The following RORA variants were observed in gnomAD, a reference collection of about 807,000 sequenced individuals.
The protein encoded by RORA is RAR related orphan receptor A.
A neutral mutation model predicts 69.5 loss-of-function variants in RORA; 7 were observed. That is an observed-to-expected ratio of 0.10 (90% CI 0.06 to 0.19). The LOEUF (loss-of-function observed/expected upper bound fraction) is 0.19. RORA is among the 10% of genes least tolerant of loss of function. The probability of loss-of-function intolerance (pLI) is 1.00; values close to 1 mark genes in which losing one functional copy is unlikely to be tolerated. For synonymous variants in RORA, 261 were observed against 240.8 expected (o/e 1.08, Z -0.78); for missense variants, 457 against 663.0 (o/e 0.69, Z 3.41).
At chr15:60,514,511 TGAG>T (rs2065803521) in intron 4 of RORA, 102 bp downstream of exon 4, 1 of 1,109,778 alleles carries the variant, frequency 9.0e-7, no homozygotes, top group African/African-American at 1.6e-5. Context: ...GGTGGAATAA[TGAG>T]GAGGGGGCAG....
chr15:60,814,066 G>T (rs1463838884), intron 1 of RORA, among the ~76,000 whole-genome samples: 2 of 151,796 alleles, frequency 1.3e-5, no homozygotes, highest in Non-Finnish European at 2.9e-5. Context: ...ATATTATTAG[G>T]GACTAATTTA....
intron 1 of RORA, among the ~76,000 whole-genome samples, chr15:60,970,568 G>A (rs1462989738): frequency 6.6e-6 from 1 of 152,188 alleles, no homozygotes; most frequent in Non-Finnish European, 1.5e-5. Flanking sequence ...GGAATAAAGG[G>A]ACTGATTCAC....
intron 1 of RORA, among the ~76,000 whole-genome samples, chr15:60,680,038 T>C (rs188512990): frequency 6.6e-6 from 1 of 152,300 alleles, no homozygotes; most frequent in African/African-American, 2.4e-5. Context: ...ACTACAAAAG[T>C]GTTCTAGAAT....
chr15:60,559,921 T>G (rs2067482830), intron 2 of RORA, among the ~76,000 whole-genome samples: 1 of 152,240 alleles, frequency 6.6e-6, no homozygotes, highest in South Asian at 2.1e-4. Flanking sequence ...TTTTTTCCCC[T>G]TGACTGTTTT....
chr15:61,162,190 T>C (rs11631763), intron 1 of RORA, among the ~76,000 whole-genome samples: 6 of 152,004 alleles, frequency 3.9e-5, no homozygotes, highest in African/African-American at 1.4e-4. Context: ...TAACGAATGT[T>C]CTTTGCAGTG....
intron 2 of RORA, among the ~76,000 whole-genome samples, chr15:60,565,743 T>C (rs937321705): frequency 1.3e-5 from 2 of 152,220 alleles, no homozygotes; most frequent in Admixed American, 6.5e-5. Context: ...ATACCACCCC[T>C]GTTTTTTCTT....
chr15:60,793,745 A>G (rs943268976), intron 1 of RORA, among the ~76,000 whole-genome samples: 1 of 152,190 alleles, frequency 6.6e-6, no homozygotes, highest in African/African-American at 2.4e-5. Context: ...GAAACTTCAA[A>G]GAGCTTTCTG....
At chr15:60,628,354 G>A (rs1020169716) in intron 2 of RORA, among the ~76,000 whole-genome samples, 2 of 152,112 alleles carry the variant, frequency 1.3e-5, no homozygotes, top group Non-Finnish European at 2.9e-5. Context: ...TTAGACTGGG[G>A]TTTGTTTATT....
intron 1 of RORA, among the ~76,000 whole-genome samples, chr15:60,900,331 A>AACAGCACACAAGTT: frequency 6.6e-6 from 1 of 152,362 alleles, no homozygotes; most frequent in East Asian, 1.9e-4. Flanking sequence ...ACAGTAGCCC[A>AACAGCACACAAGTT]ACAGCACACA....
intron 1 of RORA, among the ~76,000 whole-genome samples, chr15:61,018,266 C>T (rs1895373995): frequency 6.6e-6 from 1 of 152,116 alleles, no homozygotes; most frequent in Non-Finnish European, 1.5e-5. Flanking sequence ...GTGGCAAGTA[C>T]CGGGGGCCTC....
intron 1 of RORA, among the ~76,000 whole-genome samples, chr15:60,915,707 TGAGGAAGCTTCGGCTTGAAGAAGTGGAA>T (rs1176431639): frequency 6.6e-6 from 1 of 152,154 alleles, no homozygotes; most frequent in Non-Finnish European, 1.5e-5. Flanking sequence ...GGCAGTGAAA[TGAGGAAGCTTCGGCTTGAAGAAGTGGAA>T]GAGGAAGCAG....
intron 3 of RORA, among the ~76,000 whole-genome samples, chr15:60,518,594 A>G (rs1045401368): frequency 1.3e-5 from 2 of 152,198 alleles, no homozygotes; most frequent in Non-Finnish European, 2.9e-5. Flanking sequence ...TCAGGCCCTT[A>G]CGCTTCTCGC....
At chr15:60,753,581 TAC>T (rs2071757813) in intron 1 of RORA, among the ~76,000 whole-genome samples, 1 of 152,228 alleles carries the variant, frequency 6.6e-6, no homozygotes, top group South Asian at 2.1e-4. Flanking sequence ...CTGTCTATTT[TAC>T]AGATGAGGAA....
chr15:60,828,846 C>T (rs1223140945), intron 1 of RORA, among the ~76,000 whole-genome samples: 2 of 152,286 alleles, frequency 1.3e-5, no homozygotes, highest in Non-Finnish European at 2.9e-5. Context: ...TCTCTCAAAC[C>T]TCTGTAAAGG....
At position 61,061,852 on chromosome 15, in the gene RORA, C is replaced by T. The variant is rs953527941; in HGVS notation, c.166+167201G>A. 6.6e-6 allele frequency among the ~76,000 whole-genome samples: 1 copy of T among 152,136 alleles called. No individual in the cohort carries two copies. Among genetic ancestry groups the T allele is most frequent in the Non-Finnish European group, 1.5e-5 (1 of 68,028 alleles). ...CCAAGGCAGGTGGATCACTTGAGGT[C>T]AGGAGTTCGAGACCAGCCTGGCCAA... On this transcript the variant is annotated intron_variant, in intron 1 of 10. Coordinates refer to ENST00000335670, the MANE Select transcript of RORA (RefSeq NM_134261.3). The surrounding 1 kb of genome is among the most constrained non-coding windows in gnomAD (Gnocchi z 4.4).
In RORA at chr15:60,604,142, A is replaced by C. The variant is rs1475670000; in HGVS notation, c.197-72291T>G. 3.8e-3 allele frequency among the ~76,000 whole-genome samples: 576 copies of C among 151,530 alleles called. 7 individuals carry two copies. Among genetic ancestry groups the C allele is most frequent in the African/African-American group, 0.013 (549 of 41,344 alleles). On this transcript the variant is annotated intron_variant, in intron 2 of 10. Transcript: ENST00000335670. ...AGCGAGACTCTGTCTCAAAAAAAAA[A>C]AAAAAAAAAAAAGCACGAACATTAG...
At chr15:60,790,635 G>A (rs1158772261) in intron 1 of RORA, among the ~76,000 whole-genome samples, 1 of 152,216 alleles carries the variant, frequency 6.6e-6, no homozygotes, top group East Asian at 1.9e-4. Flanking sequence ...TCAACCTGCA[G>A]ATGTTTTCAA....
chr15:60,892,666 C>G (rs985797358), intron 1 of RORA, among the ~76,000 whole-genome samples: 16 of 152,202 alleles, frequency 1.1e-4, no homozygotes, highest in Admixed American at 7.9e-4. Flanking sequence ...GCCACATTTT[C>G]CAACTTCATC....
intron 2 of RORA, among the ~76,000 whole-genome samples, chr15:60,651,471 A>G (rs2070141907): frequency 6.6e-6 from 1 of 152,206 alleles, no homozygotes; most frequent in African/African-American, 2.4e-5. Flanking sequence ...GAGCTTAGAA[A>G]AAGTTTCCTG....
Sources: gnomAD v4.1 joint callset for allele counts (sites outside exome capture counted in the v4.1 genomes callset) on GRCh38, gnomAD v4.1.1 for gene constraint, Gnocchi (gnomAD v3.1) non-coding constraint, MANE v1.5 for transcripts, NCBI Gene and HGNC (gene_info 2026-07-23, HGNC 2026-07-21) for gene names.